The following H6PD variants were observed in gnomAD, a reference collection of about 807,000 sequenced individuals.
H6PD encodes GDH/6PGL endoplasmic bifunctional protein.
In H6PD, 48 loss-of-function variants were observed where a neutral mutation model predicts 61.2. The observed-to-expected ratio is 0.78, with a 90% CI of 0.62 to 1.00. H6PD has a LOEUF of 1.00. H6PD is among the 50% of genes least tolerant of loss of function. H6PD has a pLI of 0.00. For synonymous variants in H6PD, 480 were observed against 457.9 expected (o/e 1.05, Z -0.62); for missense variants, 1,093 against 1,065.0 (o/e 1.03, Z -0.37).
chr1:9,262,082 T>C lies in H6PD; in HGVS notation c.769T>C (p.Tyr257His), dbSNP rs770196323. 6.2e-7 allele frequency: 1 copy of C among 1,614,030 alleles called. No homozygotes were observed. Among genetic ancestry groups the C allele is most frequent in the South Asian group, 1.1e-5 (1 of 91,074 alleles). The change falls in exon 4 of 5, where the codon TAC (tyrosine) becomes CAC (histidine). Residue 257 changes from tyrosine (Y) to histidine (H), a missense_variant. By Grantham distance (83) the Tyr-to-His change is moderately conservative (BLOSUM62 2). Coordinates refer to ENST00000377403, the MANE Select transcript of H6PD (RefSeq NM_004285.4). ...AGGCCGCACCAGCTTCTATGAGGAG[T>C]ACGGTGTCATTCGCGACGTCCTCCA... ...AEGRTSFYEE[Y>H]GVIRDVLQNH...
At chr1:9,235,392 C>CG (rs1640824166) in intron 1 of H6PD, among the ~76,000 whole-genome samples, 1 of 152,000 alleles carries the variant, frequency 6.6e-6, no homozygotes, top group Non-Finnish European at 1.5e-5. Context: ...ATCTAGTGAA[C>CG]GGTTTTCCAG....
intron 3 of H6PD, among the ~76,000 whole-genome samples, chr1:9,260,677 C>T (rs538969603): frequency 4.0e-5 from 6 of 151,596 alleles, no homozygotes; most frequent in South Asian, 2.1e-4. Context: ...GTTGTTGTTA[C>T]GCTGGTGTTG....
intron 1 of H6PD, among the ~76,000 whole-genome samples, chr1:9,240,719 G>T (rs768580826): frequency 6.6e-6 from 1 of 152,210 alleles, no homozygotes; most frequent in Non-Finnish European, 1.5e-5. Context: ...TAAGCTTTTG[G>T]AAGGCTACTT....
At position 9,264,465 on chromosome 1, in the gene H6PD, C is replaced by A. The variant is rs772996100; in HGVS notation, c.1972C>A (p.Leu658Met). 134 of 1,613,178 alleles carry A rather than the reference C, an allele frequency of 8.3e-5. No individual in the cohort carries two copies. The highest frequency in any genetic ancestry group is 9.9e-5 in the Non-Finnish European group (117 of 1,179,982). ...CAACATCCACCCCATGCCTGTGCAC[C>A]TGCAGCAGCGGCTCTGCGCCGAGGA... is the stretch of plus-strand genomic sequence containing the variant. Reference protein sequence around the residue: ...YYNIHPMPVHLQQRLCAEEDQ... With the variant: ...YYNIHPMPVHMQQRLCAEEDQ... The change falls in exon 5 of 5, where the codon CTG (leucine) becomes ATG (methionine). Residue 658 changes from leucine to methionine, a missense_variant. Physicochemically the swap from Leu to Met is conservative, Grantham distance 15 (BLOSUM62 2). Coordinates refer to ENST00000377403, the MANE Select transcript of H6PD (RefSeq NM_004285.4).
chr1:9,237,236 CTTTTTTTTTTTT>C (rs370751354), intron 1 of H6PD, among the ~76,000 whole-genome samples: 9 of 71,080 alleles, frequency 1.3e-4, no homozygotes, highest in South Asian at 4.9e-4. Flanking sequence ...TTTGACTTCT[CTTTTTTTTTTTT>C]TTTTTTTTTT....
chr1:9,240,911 C>T (rs1640978493), intron 1 of H6PD, among the ~76,000 whole-genome samples: 1 of 152,172 alleles, frequency 6.6e-6, no homozygotes, highest in African/African-American at 2.4e-5. Flanking sequence ...CCGTGGGTGC[C>T]TCTGCTCCAG....
intron 1 of H6PD, among the ~76,000 whole-genome samples, chr1:9,241,772 CCTT>C (rs1641005416): frequency 1.3e-5 from 2 of 152,118 alleles, no homozygotes; most frequent in African/African-American, 2.4e-5. Context: ...CCCAATGCTT[CCTT>C]CTTCTGCTTG....
rs2100326084 is a variant in H6PD, at chr1:9,244,914, T to C, written c.-10-11T>C. 3.7e-6 allele frequency: 6 copies of C among 1,610,356 alleles called. No homozygotes were observed. The highest frequency in any genetic ancestry group is 2.7e-5 in the African/African-American group (2 of 74,986). Reference sequence around the variant, plus strand: ...TTCCTTGTTCCTCGTCTGTCTCTCTTTGCACCCCAGGCACCCAGGCATGTG... The same window carrying C: ...TTCCTTGTTCCTCGTCTGTCTCTCTCTGCACCCCAGGCACCCAGGCATGTG... On this transcript the variant is annotated splice_polypyrimidine_tract_variant and intron_variant, in intron 1 of 4. Coordinates refer to ENST00000377403, the MANE Select transcript of H6PD (RefSeq NM_004285.4).
rs1275331430 is a variant in H6PD at position 9,263,607 on chromosome 1, T to A, written c.1114T>A (p.Leu372Met). 1 of 1,613,856 alleles carries A rather than the reference T, an allele frequency of 6.2e-7. No individual in the cohort carries two copies. Among genetic ancestry groups the A allele is most frequent in the Non-Finnish European group, 8.5e-7 (1 of 1,179,790 alleles). The change falls in exon 5 of 5, where the codon TTG becomes ATG. Residue 372 changes from leucine to methionine, a missense_variant. Transcript: ENST00000377403. ...LDERVGYARI[L>M]FKNQACCVQS... ...CGAGAGAGTGGGCTACGCTCGGATC[T>A]TGTTCAAGAACCAGGCCTGCTGTGT...
chr1:9,244,431 A>G (rs2100324239), intron 1 of H6PD, among the ~76,000 whole-genome samples: 1 of 152,312 alleles, frequency 6.6e-6, no homozygotes, highest in East Asian at 1.9e-4. Flanking sequence ...ATCACTTGGT[A>G]GTTGGAGCCC....
rs773944246 is a variant in H6PD at position 9,262,168 on chromosome 1, T to C, written c.855T>C (p.Ser285=). ...TGGAGCTGCCCCACAATGTCAGCAG[T>C]GCGGAGGCTGTGCTGCGGCACAAGC... The part of the protein sequence containing the change: ...VAMELPHNVS[S]AEAVLRHKLQ... The change falls in exon 4 of 5, where the codon AGT becomes AGC. Residue 285 remains serine (S), a synonymous_variant. Coordinates refer to ENST00000377403, the MANE Select transcript of H6PD (RefSeq NM_004285.4). 7.4e-6 allele frequency: 12 copies of C among 1,614,084 alleles called. No individual in the cohort carries two copies. The highest frequency in any genetic ancestry group is 1.7e-5 in the Admixed American group (1 of 60,014).
At chr1:9,248,988 T>C (rs1641273339) in intron 3 of H6PD, among the ~76,000 whole-genome samples, 1 of 152,236 alleles carries the variant, frequency 6.6e-6, no homozygotes, top group Non-Finnish European at 1.5e-5. Flanking sequence ...AGAAGTGAGC[T>C]GCACCTGGTG....
rs1325696030 is a variant in H6PD at position 9,268,832 on chromosome 1, T to C, written c.*3963T>C. The stretch of plus-strand genomic sequence containing the variant: ...GCTTTGCTTGTGTTTCTCCTGTCCC[T>C]GTTCTCCCGGAGGGCCCAGGTGGAA... On this transcript the variant is annotated 3_prime_UTR_variant, in exon 5 of 5. Transcript: ENST00000377403. The C allele has an allele frequency of 6.6e-6, 1 of 152,200 alleles. No individual in the cohort carries two copies. Among genetic ancestry groups the C allele is most frequent in the African/African-American group, 2.4e-5 (1 of 41,440 alleles). 9.4% of individuals were successfully genotyped at this position (152,200 alleles called of 1,614,324 possible).
At chr1:9,263,025 C>G (rs755617207) in intron 4 of H6PD, among the ~76,000 whole-genome samples, 12 of 152,196 alleles carry the variant, frequency 7.9e-5, no homozygotes, top group Admixed American at 7.9e-4. Context: ...TGCCAACACC[C>G]CACCCACGGG....
At position 9,267,039 on chromosome 1, in the gene H6PD, C is replaced by G. The variant is rs994684427; in HGVS notation, c.*2170C>G. The G allele has an allele frequency of 4.6e-5, 7 of 152,408 alleles. No homozygotes were observed. Among genetic ancestry groups the G allele is most frequent in the Non-Finnish European group, 8.8e-5 (6 of 68,186 alleles). 9.4% of individuals were successfully genotyped at this position (152,408 alleles called of 1,614,324 possible). Reference sequence around the variant, plus strand: ...TTCACCATGTTGCCCAGGCTGGTCTCGAACTCCTGAGCTCAGGCAGTCTAC... The same window carrying G: ...TTCACCATGTTGCCCAGGCTGGTCTGGAACTCCTGAGCTCAGGCAGTCTAC... On this transcript the variant is annotated 3_prime_UTR_variant, in exon 5 of 5. Coordinates refer to ENST00000377403, the MANE Select transcript of H6PD (RefSeq NM_004285.4).
At position 9,269,707 on chromosome 1, in the gene H6PD, A is replaced by G. The variant is rs1342470845; in HGVS notation, c.*4838A>G. On this transcript the variant is annotated 3_prime_UTR_variant, in exon 5 of 5. Transcript: ENST00000377403. The surrounding 1 kb of genome is among the most constrained non-coding windows in gnomAD (Gnocchi z 4.3). The stretch of plus-strand genomic sequence containing the variant: ...AGTCTCCCTATAAAACAAAAACCCC[A>G]CCTTCTGTGCCTTCTGCTTTAGAGC... 1 of 152,042 alleles carries G rather than the reference A, an allele frequency of 6.6e-6. No individual in the cohort carries two copies. Among genetic ancestry groups the G allele is most frequent in the Non-Finnish European group, 1.5e-5 (1 of 67,994 alleles). The allele number at this position is 152,042 out of a possible 1,614,324, so 9.4% of individuals were successfully genotyped here.
intron 3 of H6PD, among the ~76,000 whole-genome samples, chr1:9,255,694 C>T (rs1641495954): frequency 2.0e-5 from 3 of 152,202 alleles, no homozygotes; most frequent in South Asian, 4.1e-4. Context: ...AAGATTTGGT[C>T]ACCCTGGGCC....
At position 9,254,457 on chromosome 1, in the gene H6PD, A is replaced by G. The variant is rs950781246; in HGVS notation, c.745+7374A>G. 2.6e-5 allele frequency among the ~76,000 whole-genome samples: 4 copies of G among 152,204 alleles called. No individual in the cohort carries two copies. The highest frequency in any genetic ancestry group is 2.6e-4 in the Admixed American group (4 of 15,286). ...AGATCACAGCTCTGTACCACCATTC[A>G]AGGATCCAGCCAGTCACCAAGTAGT... is the stretch of plus-strand genomic sequence containing the variant. On this transcript the variant is annotated intron_variant, in intron 3 of 4. Coordinates refer to ENST00000377403, the MANE Select transcript of H6PD (RefSeq NM_004285.4). This position sits in a 1 kb window ranked among gnomAD's most constrained non-coding sequence, Gnocchi z 4.6.
chr1:9,236,684 A>T (rs1640857760), intron 1 of H6PD, among the ~76,000 whole-genome samples: 1 of 151,994 alleles, frequency 6.6e-6, no homozygotes, highest in African/African-American at 2.4e-5. Context: ...AAAAAAAAAA[A>T]AAAAGCAGCT....
Sources: gnomAD v4.1 joint callset for allele counts (sites outside exome capture counted in the v4.1 genomes callset) on GRCh38, gnomAD v4.1.1 for gene constraint, Gnocchi (gnomAD v3.1) non-coding constraint, MANE v1.5 for transcripts, NCBI Gene and HGNC (gene_info 2026-07-23, HGNC 2026-07-21) for gene names.